Variants in NOTCH1 observed in about 807,000 individuals in gnomAD.
NOTCH1 encodes neurogenic locus notch homolog protein 1.
A neutral mutation model predicts 254.8 loss-of-function variants in NOTCH1; 37 were observed. The ratio of observed to expected loss-of-function variants is 0.15; its 90% confidence interval spans 0.11 to 0.19. The LOEUF (loss-of-function observed/expected upper bound fraction) is 0.19, where lower values mean the gene tolerates loss of function less well. Among genes scored for constraint, NOTCH1 ranks in the 10% least tolerant of loss-of-function variants. The pLI is 1.00. For synonymous variants in NOTCH1, 1,731 were observed against 1,618.1 expected (o/e 1.07, Z -1.68); for missense variants, 2,972 against 3,708.6 (o/e 0.80, Z 5.16).
At position 136,523,919 on chromosome 9, in the gene NOTCH1, G is replaced by A. The variant is rs764636339; in HGVS notation, c.201C>T (p.Pro67=). ...CGTGGCATGTCCCGGCGTTCTTGCA[G>A]GGGGTGCTGAGGCACGGGTTGGGGT... ...CQDPNPCLST[P]CKNAGTCHVV... is the part of the protein sequence containing the mutation. The change falls in exon 3 of 34, where the codon CCC becomes CCT. Residue 67 remains proline, a synonymous_variant. Transcript: ENST00000651671. 1.3e-6 allele frequency: 2 copies of A among 1,598,386 alleles called. No homozygotes were observed. Among genetic ancestry groups the A allele is most frequent in the Admixed American group, 1.7e-5 (1 of 57,540 alleles).
Position 136,517,743 on chromosome 9 carries a change from C to G in NOTCH1, c.1441+9G>C. Reference sequence around the variant, plus strand: ...ACTCGGTTTCCCGCCCTGGCCCCGGCCGACGCACCGGGCATGCAGATGCAC... The same window carrying G: ...ACTCGGTTTCCCGCCCTGGCCCCGGGCGACGCACCGGGCATGCAGATGCAC... On this transcript the variant is annotated intron_variant, in intron 8 of 33. Coordinates refer to ENST00000651671, the MANE Select transcript of NOTCH1 (RefSeq NM_017617.5). 6.2e-7 allele frequency: 1 copy of G among 1,612,560 alleles called. No homozygotes were observed. The highest frequency in any genetic ancestry group is 8.5e-7 in the Non-Finnish European group (1 of 1,179,868).
intron 3 of NOTCH1, among the ~76,000 whole-genome samples, chr9:136,523,502 G>A (rs1331464465): frequency 2.6e-5 from 4 of 152,232 alleles, no homozygotes; most frequent in South Asian, 2.1e-4. Flanking sequence ...CCCTTGTCTC[G>A]CAGAAGCGGG....
In NOTCH1 at chr9:136,508,021, C is replaced by T. The variant is rs767933946; in HGVS notation, c.3444G>A (p.Glu1148=). 1.2e-6 allele frequency: 2 copies of T among 1,612,534 alleles called. No individual in the cohort carries two copies. The highest frequency in any genetic ancestry group is 2.2e-5 in the East Asian group (1 of 44,886). Residue 1148 remains glutamate (E), a synonymous_variant, in exon 21 of 34, where the codon GAG becomes GAA. Coordinates refer to ENST00000651671, the MANE Select transcript of NOTCH1 (RefSeq NM_017617.5). ...CGTTCTGGCAGGGGCTGGGTGAGCACTCGTCCACCAGGTCCTCACAGTAGC... is the reference window on the plus strand; with the variant it reads ...CGTTCTGGCAGGGGCTGGGTGAGCATTCGTCCACCAGGTCCTCACAGTAGC... The part of the protein sequence containing the change: ...TGSYCEDLVD[E]CSPSPCQNGA...
At chr9:136,530,324 T>C (rs143640476) in intron 2 of NOTCH1, among the ~76,000 whole-genome samples, 156 of 152,346 alleles carry the variant, frequency 1.0e-3, no homozygotes, top group Non-Finnish European at 1.9e-3. Flanking sequence ...CCAGGTTTCC[T>C]CCTCTGGCTC....
At chr9:136,507,032 G>T in intron 22 of NOTCH1, 59 bp from the exon 23 acceptor site, 7 of 1,575,966 alleles carry the variant, frequency 4.4e-6, no homozygotes, top group Non-Finnish European at 2.6e-6. Flanking sequence ...CTGCCGTGCC[G>T]CGTGTCCGTC....
At chr9:136,531,712 G>A (rs1418357939) in intron 2 of NOTCH1, among the ~76,000 whole-genome samples, 1 of 152,218 alleles carries the variant, frequency 6.6e-6, no homozygotes, top group Non-Finnish European at 1.5e-5. Flanking sequence ...CGAAGCCCAC[G>A]CTGCCGGAGG....
intron 4 of NOTCH1, among the ~76,000 whole-genome samples, chr9:136,520,605 C>T (rs1473702607): frequency 6.6e-6 from 1 of 152,066 alleles, no homozygotes; most frequent in Non-Finnish European, 1.5e-5. Flanking sequence ...AGCGTGGTGG[C>T]GCCGGCCTGT....
chr9:136,510,073 TGCGGCAAGCAGCCC>T, intron 17 of NOTCH1, 112 bp from the exon 18 acceptor site: 3 of 1,013,782 alleles, frequency 3.0e-6, no homozygotes, highest in Non-Finnish European at 4.5e-6. Context: ...TTGCCGAGGC[TGCGGCAAGCAGCCC>T]TGTGACAAAG....
rs3124598 is a variant in NOTCH1, at chr9:136,509,102, T to C, written c.2970-31A>G. The C allele has an allele frequency of 0.58, 893,734 of 1,541,498 alleles. 266,370 individuals carry two copies. Among genetic ancestry groups the C allele is most frequent in the African/African-American group, 0.89 (65,281 of 73,034 alleles). On this transcript the variant is annotated intron_variant, in intron 18 of 33. Coordinates refer to ENST00000651671, the MANE Select transcript of NOTCH1 (RefSeq NM_017617.5). ...AGGGGGTGGGCAGGCGGGGGCTGAG[T>C]GGAGGGCATTGGTGGGTCCCCGCTC...
intron 33 of NOTCH1, 38 bp downstream of exon 33, chr9:136,498,861 C>T (rs545428517): frequency 5.0e-6 from 8 of 1,606,404 alleles, no homozygotes; most frequent in Admixed American, 3.3e-5. Flanking sequence ...GTGGATTCAG[C>T]CCTCACGTCT....
At chr9:136,537,050 C>G (rs1325652455) in intron 2 of NOTCH1, among the ~76,000 whole-genome samples, 1 of 152,212 alleles carries the variant, frequency 6.6e-6, no homozygotes, top group Non-Finnish European at 1.5e-5. Context: ...GGACAGGGGC[C>G]GCGGGCACGC....
intron 2 of NOTCH1, among the ~76,000 whole-genome samples, chr9:136,529,994 G>A (rs1843532377): frequency 9.9e-6 from 1 of 100,548 alleles, no homozygotes; most frequent in Admixed American, 8.7e-5. Context: ...AGCTGCACGG[G>A]GGCCCTGCCC....
At position 136,515,572 on chromosome 9, in the gene NOTCH1, T is replaced by A. The variant is rs1480542002; in HGVS notation, c.1814A>T (p.Asn605Ile). 1.2e-6 allele frequency: 2 copies of A among 1,610,674 alleles called. No homozygotes were observed. The highest frequency in any genetic ancestry group is 1.7e-6 in the Non-Finnish European group (2 of 1,179,768). Reference sequence around the variant, plus strand: ...GCGGCAGGGCTGGCTGGAGCACTCGTTGATGTTGGTCTCGCAGTGGTGGCC... The same window carrying A: ...GCGGCAGGGCTGGCTGGAGCACTCGATGATGTTGGTCTCGCAGTGGTGGCC... Reference protein sequence around the residue: ...YTGHHCETNINECSSQPCRHG... With the variant: ...YTGHHCETNIIECSSQPCRHG... The change falls in exon 11 of 34, where the codon AAC becomes ATC. Residue 605 changes from asparagine to isoleucine, a missense_variant. Around this residue, in one of 8 missense-constraint regions of NOTCH1, gnomAD observed 128 missense variants for 193.8 expected, o/e 0.66. Coordinates refer to ENST00000651671, the MANE Select transcript of NOTCH1 (RefSeq NM_017617.5).
In NOTCH1 at chr9:136,504,834, G is replaced by A. The variant is rs1843053321; in HGVS notation, c.4857C>T (p.Tyr1619=). The change falls in exon 26 of 34, where the codon TAC becomes TAT. Residue 1619 remains tyrosine (Y), a synonymous_variant. Transcript: ENST00000651671. ...DAHGQQMIFP[Y]YGREEELRKH... is the part of the protein sequence containing the mutation. ...TGCGCAGCTCCTCCTCGCGGCCGTA[G>A]TAGGGGAAGATCATCTGCTGGCCGT... 1.3e-6 allele frequency: 2 copies of A among 1,577,464 alleles called. No homozygotes were observed. Among genetic ancestry groups the A allele is most frequent in the Non-Finnish European group, 1.7e-6 (2 of 1,162,120 alleles).
rs532630428 is a variant in NOTCH1, at chr9:136,502,420, G to A, written c.5236C>T (p.Leu1746Phe). 2.5e-6 allele frequency: 4 copies of A among 1,610,242 alleles called. No homozygotes were observed. In the African/African-American group the frequency reaches 5.3e-5, roughly 21 times the overall value. ...ACCCCGCAGCCCACGAAGAACAGAA[G>A]CACAAAGGCGGCCGCCGCCACGTAC... is the stretch of plus-strand genomic sequence containing the variant. ...FMYVAAAAFV[L>F]LFFVGCGVLL... is the part of the protein sequence containing the mutation. Residue 1746 changes from leucine to phenylalanine, a missense_variant, in exon 28 of 34, where the codon CTT (leucine) becomes TTT (phenylalanine). Transcript: ENST00000651671.
At chr9:136,499,470 G>C (rs1044326438) in intron 31 of NOTCH1, among the ~76,000 whole-genome samples, 7 of 152,244 alleles carry the variant, frequency 4.6e-5, no homozygotes, top group Admixed American at 3.9e-4. Flanking sequence ...CCCACAGACA[G>C]GCCCCTTGGT....
rs770901845 is a variant in NOTCH1, at chr9:136,509,715, C to T, written c.2969+18G>A. The T allele has an allele frequency of 2.5e-6, 4 of 1,609,770 alleles. No individual in the cohort carries two copies. In the Admixed American group the frequency reaches 5.0e-5, roughly 20 times the overall value. ...CACCGCCCGTTCCCTTCCACGGCCT[C>T]ACTCGAGCCCCGCACACCTCTCTGT... On this transcript the variant is annotated intron_variant, in intron 18 of 33. Transcript: ENST00000651671.
At chr9:136,544,214 C>G in intron 1 of NOTCH1, 112 bp from the exon 2 acceptor site, 1 of 997,026 alleles carries the variant, frequency 1.0e-6, no homozygotes, top group Non-Finnish European at 1.6e-6. Flanking sequence ...TCGTCCGCCC[C>G]CTACCCCGGA....
rs1390023929 is a variant in NOTCH1 at position 136,545,224 on chromosome 9, C to A, written c.61+502G>T. Among the ~76,000 whole-genome samples the A allele has an allele frequency of 2.0e-5, 3 of 151,982 alleles. No individual in the cohort carries two copies. Among genetic ancestry groups the A allele is most frequent in the Non-Finnish European group, 2.9e-5 (2 of 67,968 alleles). ...CGACCGGGAGCCCGGGGACCCAGCC[C>A]GGCCGCGCGGGTCAGTGAAGGCGAA... On this transcript the variant is annotated intron_variant, in intron 1 of 33. Coordinates refer to ENST00000651671, the MANE Select transcript of NOTCH1 (RefSeq NM_017617.5). This position sits in a 1 kb window ranked among gnomAD's most constrained non-coding sequence, Gnocchi z 6.8.
Sources: gnomAD v4.1 joint callset for allele counts (sites outside exome capture counted in the v4.1 genomes callset) on GRCh38, gnomAD v4.1.1 for gene constraint, gnomAD v4.1.1 regional missense constraint, Gnocchi (gnomAD v3.1) non-coding constraint, MANE v1.5 for transcripts, NCBI Gene and HGNC (gene_info 2026-07-23, HGNC 2026-07-21) for gene names.